The following C10orf105 variants were observed in gnomAD, a reference collection of about 807,000 sequenced individuals.
The protein encoded by C10orf105 is uncharacterized protein C10orf105.
Under a neutral mutation model 0.6 loss-of-function variants are expected in C10orf105, and 2 were observed. The ratio of observed to expected loss-of-function variants is 3.18; its 90% CI spans 1.30 to 10.01. The LOEUF is 10.01. Among genes scored for constraint, C10orf105 ranks in the 30% most tolerant of loss-of-function variants. The pLI, the probability that C10orf105 is intolerant of heterozygous loss-of-function variation, is 0.04. For missense variants in C10orf105, 209 were observed against 191.4 expected, an observed-to-expected ratio of 1.09 and a Z score of -0.54; for synonymous variants, 95 against 82.4, an observed-to-expected ratio of 1.15 and a Z score of -0.83.
At chr10:71,736,837 CA>C (rs1281611508) in intron 1 of C10orf105, among the ~76,000 whole-genome samples, 2 of 152,216 alleles carry the variant, frequency 1.3e-5, no homozygotes, top group Non-Finnish European at 2.9e-5. Flanking sequence ...ATGATCACAG[CA>C]GTAAATGTAT....
intron 1 of C10orf105, chr10:71,732,052 A>G (rs2132824607): frequency 2.5e-6 from 4 of 1,614,026 alleles, no homozygotes; most frequent in Non-Finnish European, 3.4e-6. Context: ...GATTGACGAG[A>G]GCACAGGGCT....
rs776427292 is a variant in C10orf105, at chr10:71,725,352, G to C, written c.-5-9010C>G. ...TTCTGGGCAGGGCCGGTGTTCCAGG[G>C]GGTCTGTCCCTCCACACAGGTAACC... On this transcript the variant is annotated intron_variant, in intron 1 of 1. Transcript: ENST00000398786. 1.2e-6 allele frequency: 2 copies of C among 1,613,944 alleles called. No homozygotes were observed. Among genetic ancestry groups the C allele is most frequent in the South Asian group, 1.1e-5 (1 of 91,080 alleles).
At chr10:71,726,762 G>A (rs1045321798) in intron 1 of C10orf105, among the ~76,000 whole-genome samples, 1 of 152,228 alleles carries the variant, frequency 6.6e-6, no homozygotes, top group Non-Finnish European at 1.5e-5. Context: ...TGATGTCAGC[G>A]AAGCTGGGGT....
intron 1 of C10orf105, chr10:71,717,645 C>G (rs1405720336): frequency 1.3e-5 from 2 of 152,260 alleles, no homozygotes; most frequent in Non-Finnish European, 2.9e-5. Flanking sequence ...TGAGCAGGGC[C>G]ACCTGGAGAG....
At chr10:71,737,683 C>T (rs1441138881) in intron 1 of C10orf105, 3 of 469,454 alleles carry the variant, frequency 6.4e-6, no homozygotes, top group South Asian at 4.6e-5. Flanking sequence ...AAAACCTGAG[C>T]TCCTCCAACC....
chr10:71,716,018 C>A lies in C10orf105; in HGVS notation c.320G>T (p.Arg107Leu), dbSNP rs1248414655. The A allele has an allele frequency of 6.7e-7, 1 of 1,499,644 alleles. No homozygotes were observed. The highest frequency in any genetic ancestry group is 8.9e-7 in the Non-Finnish European group (1 of 1,123,766). 92.9% of individuals were successfully genotyped at this position (1,499,644 alleles called of 1,614,324 possible). The stretch of plus-strand genomic sequence containing the variant: ...CAGGGGCTGTCGAGGGACGGTGGGC[C>A]GGCCATGGCGGAAGCTGTGCAGGGA... ...RLSLHSFRHG[R>L]PTVPRQPLPG... is the part of the protein sequence containing the mutation. The change falls in exon 2 of 2, where the codon CGG becomes CTG. Residue 107 changes from arginine (R) to leucine (L), a missense_variant. Coordinates refer to ENST00000441508, the MANE Select transcript of C10orf105 (RefSeq NM_001164375.3).
At position 71,712,082 on chromosome 10, in the gene C10orf105, T is replaced by G. The variant is rs1228018426; in HGVS notation, c.*3854A>C. On this transcript the variant is annotated 3_prime_UTR_variant, in exon 2 of 2. Coordinates refer to ENST00000441508, the MANE Select transcript of C10orf105 (RefSeq NM_001164375.3). ...GAATCAGTCCTTGACCGTCCCAGTT[T>G]CTGGAGTCGCTAGGCATTCGGTGGC... The G allele has an allele frequency of 6.5e-6, 1 of 153,472 alleles. No individual in the cohort carries two copies. Among genetic ancestry groups the G allele is most frequent in the African/African-American group, 2.4e-5 (1 of 41,428 alleles). 9.5% of individuals were successfully genotyped at this position (153,472 alleles called of 1,614,324 possible).
intron 1 of C10orf105, chr10:71,732,252 A>T: frequency 6.2e-7 from 1 of 1,613,768 alleles, no homozygotes. Flanking sequence ...AGAATCTGGC[A>T]CTGGGTACTG....
In C10orf105 at chr10:71,716,153, G is replaced by C. The variant is rs1203647125; in HGVS notation, c.185C>G (p.Ala62Gly). Reference sequence around the variant, plus strand: ...CCTGCGGCGGCTCGGGTCCAGCGCGGCCGGCTTGCAGAGCGTCATGAACAG... The same window carrying C: ...CCTGCGGCGGCTCGGGTCCAGCGCGCCCGGCTTGCAGAGCGTCATGAACAG... ...CLLFMTLCKP[A>G]ALDPSRRRAH... The change falls in exon 2 of 2, where the codon GCC (alanine) becomes GGC (glycine). Residue 62 changes from alanine to glycine, a missense_variant. Physicochemically the swap from Ala to Gly is moderately conservative, Grantham distance 60. Coordinates refer to ENST00000441508, the MANE Select transcript of C10orf105 (RefSeq NM_001164375.3). 6.4e-7 allele frequency: 1 copy of C among 1,550,534 alleles called. No individual in the cohort carries two copies. The highest frequency in any genetic ancestry group is 2.4e-5 in the East Asian group (1 of 40,910).
intron 1 of C10orf105, chr10:71,717,247 G>A (rs1298164561): frequency 6.6e-6 from 1 of 152,262 alleles, no homozygotes; most frequent in Non-Finnish European, 1.5e-5. Context: ...AGTAGGGTGG[G>A]GTGGGGCAGC....
intron 1 of C10orf105, among the ~76,000 whole-genome samples, chr10:71,728,603 C>G (rs1866918673): frequency 6.6e-6 from 1 of 152,148 alleles, no homozygotes; most frequent in Non-Finnish European, 1.5e-5. Flanking sequence ...TGCAGAGGCC[C>G]CTCCCTTAGT....
In C10orf105 at chr10:71,712,580, C is replaced by A. The variant is rs541674784; in HGVS notation, c.*3356G>T. 3.3e-6 allele frequency: 5 copies of A among 1,506,908 alleles called. No individual in the cohort carries two copies. In the African/African-American group the frequency reaches 6.9e-5, roughly 21 times the overall value. The allele number at this position is 1,506,908 out of a possible 1,614,324, so 93.3% of individuals were successfully genotyped here. A position where few individuals can be genotyped will look rare whatever the true frequency, so the allele number is the denominator to read the frequency against. ...GGGCGGAACAGGGCACCTCTCTGGC[C>A]GGTGCCCGGGAGTGTGCAAAGTCAC... On this transcript the variant is annotated 3_prime_UTR_variant, in exon 2 of 2. Coordinates refer to ENST00000441508, the MANE Select transcript of C10orf105 (RefSeq NM_001164375.3).
chr10:71,720,019 C>G (rs1018742267), upstream of C10orf105, among the ~76,000 whole-genome samples: 2 of 152,230 alleles, frequency 1.3e-5, no homozygotes, highest in Non-Finnish European at 2.9e-5. Flanking sequence ...GTTTTACTGC[C>G]TCTGCGGCCC....
At position 71,713,275 on chromosome 10, in the gene C10orf105, C is replaced by T. The variant is rs772538334; in HGVS notation, c.*2661G>A. On this transcript the variant is annotated 3_prime_UTR_variant, in exon 2 of 2. Transcript: ENST00000441508. The stretch of plus-strand genomic sequence containing the variant: ...AGGGCTCCTTTGCCCAGGGAGCAGG[C>T]GCAACAGCTCCAAGGCTCAGAGGGA... The T allele has an allele frequency of 3.1e-5, 24 of 779,352 alleles. No individual in the cohort carries two copies. The highest frequency in any genetic ancestry group is 3.0e-4 in the South Asian group (22 of 74,550). The allele number at this position is 779,352 out of a possible 1,614,324, so 48.3% of individuals were successfully genotyped here. A position where few individuals can be genotyped will look rare whatever the true frequency, so the allele number is the denominator to read the frequency against.
intron 1 of C10orf105, chr10:71,734,449 C>G: frequency 6.7e-7 from 1 of 1,481,760 alleles, no homozygotes; most frequent in South Asian, 1.2e-5. Context: ...AGGCAGCGGG[C>G]GAGGGTCTTG....
In C10orf105 at chr10:71,732,203, T is replaced by C. The variant is rs2132825372; in HGVS notation, c.-6+5525A>G. 3 of 1,613,850 alleles carry C rather than the reference T, an allele frequency of 1.9e-6. 1 individual carries two copies. Among genetic ancestry groups the C allele is most frequent in the African/African-American group, 2.7e-5 (2 of 75,054 alleles). On this transcript the variant is annotated intron_variant, in intron 1 of 1. Coordinates refer to the C10orf105 transcript ENST00000398786. ...CTGCTCAACGAGCTGGACGAGGCCG[T>C]GCAGTTCTCCAATGCCTCATACGAG... is the stretch of plus-strand genomic sequence containing the variant.
chr10:71,718,817 A>G (rs754126295), intron 1 of C10orf105, among the ~76,000 whole-genome samples: 5 of 152,114 alleles, frequency 3.3e-5, no homozygotes, highest in African/African-American at 9.7e-5. Flanking sequence ...CTGTAATCCC[A>G]GCACTTTGGG....
rs1589360817 is a variant in C10orf105 at position 71,711,990 on chromosome 10, T to C, written c.*3946A>G. On this transcript the variant is annotated 3_prime_UTR_variant, in exon 2 of 2. Transcript: ENST00000441508. ...ACAGCAGAAGTGTATTCTCTCCTGG[T>C]TCTCAAGGCCAGAAGTTAGAAATTA... 6.6e-6 allele frequency: 1 copy of C among 152,344 alleles called. No homozygotes were observed. Among genetic ancestry groups the C allele is most frequent in the South Asian group, 2.1e-4 (1 of 4,818 alleles). 9.4% of individuals were successfully genotyped at this position (152,344 alleles called of 1,614,324 possible). A position where few individuals can be genotyped will look rare whatever the true frequency, so the allele number is the denominator to read the frequency against.
chr10:71,734,994 C>T (rs1451306569), intron 1 of C10orf105, among the ~76,000 whole-genome samples: 1 of 152,270 alleles, frequency 6.6e-6, no homozygotes, highest in Non-Finnish European at 1.5e-5. Context: ...TGCTTAACGT[C>T]TCTGTGCTTC....
Sources: gnomAD v4.1 joint callset for allele counts (sites outside exome capture counted in the v4.1 genomes callset) on GRCh38, gnomAD v4.1.1 for gene constraint, MANE v1.5 for transcripts, NCBI Gene and HGNC (gene_info 2026-07-23, HGNC 2026-07-21) for gene names.